PCDHGB2: variants seen among roughly 807,000 people sequenced by gnomAD.
PCDHGB2 encodes the protein protocadherin gamma-B2.
A neutral mutation model predicts 59.3 loss-of-function variants in PCDHGB2; 55 were observed. The observed-to-expected ratio is 0.93, with a 90% CI of 0.75 to 1.16. The LOEUF (loss-of-function observed/expected upper bound fraction) is 1.16. Ranked by LOEUF, PCDHGB2 falls within the 50% of genes most tolerant of loss-of-function variation. PCDHGB2 has a pLI of 0.00. For missense variants in PCDHGB2, 1,228 were observed against 1,198.5 expected, an observed-to-expected ratio of 1.02 and a Z score of -0.36; for synonymous variants, 516 against 512.0, an observed-to-expected ratio of 1.01 and a Z score of -0.11.
In PCDHGB2 at chr5:141,505,414, C is replaced by T. The variant is rs373956550; in HGVS notation, c.2502C>T (p.Thr834=). The T allele has an allele frequency of 3.0e-5, 48 of 1,614,046 alleles. No homozygotes were observed. In the African/African-American group the frequency reaches 3.1e-4, roughly 10 times the overall value. The change falls in exon 3 of 4, where the codon ACC becomes ACT. Residue 834 remains threonine (T), a synonymous_variant. Transcript: ENST00000522605. ...CCAGCTCCCAAAATGGCGATGACACCGGCACCTGGCCCAACAACCAGTTTG... is the reference window on the plus strand; with the variant it reads ...CCAGCTCCCAAAATGGCGATGACACTGGCACCTGGCCCAACAACCAGTTTG... ...GTSGSQNGDD[T]GTWPNNQFDT...
Position 141,490,876 on chromosome 5 carries a change from G to T in PCDHGB2, c.2422-3931G>T. On this transcript the variant is annotated intron_variant, in intron 1 of 3. Coordinates refer to ENST00000522605, the MANE Select transcript of PCDHGB2 (RefSeq NM_018923.3). The surrounding 1 kb of genome is among the most constrained non-coding windows in gnomAD (Gnocchi z 5.4). Reference sequence around the variant, plus strand: ...AGACTCCGGCTCTCCCCCATTGCATGCCAACACATCTCTGCATGTGTTTGT... The same window carrying T: ...AGACTCCGGCTCTCCCCCATTGCATTCCAACACATCTCTGCATGTGTTTGT... 6.2e-7 allele frequency: 1 copy of T among 1,613,840 alleles called. No homozygotes were observed. The highest frequency in any genetic ancestry group is 8.5e-7 in the Non-Finnish European group (1 of 1,179,894).
At chr5:141,382,737 A>G (rs1186872738) in intron 1 of PCDHGB2, 2 of 571,884 alleles carry the variant, frequency 3.5e-6, no homozygotes, top group African/African-American at 3.7e-5. Context: ...GCACAGAGAA[A>G]CGACAGATTG....
At position 141,477,795 on chromosome 5, in the gene PCDHGB2, G is replaced by T. The variant is rs778851755; in HGVS notation, c.2422-17012G>T. The T allele has an allele frequency of 1.2e-5, 19 of 1,613,946 alleles. 1 individual carries two copies. In the South Asian group the frequency reaches 1.6e-4, roughly 14 times the overall value. On this transcript the variant is annotated intron_variant, in intron 1 of 3. Transcript: ENST00000522605. The surrounding 1 kb of genome is among the most constrained non-coding windows in gnomAD (Gnocchi z 4.9). ...AGCGTGAACATATTTGTCACTGATC[G>T]CAATGACAATGCCCCCCAGGTCCTA...
chr5:141,368,928 C>T (rs190760255), intron 1 of PCDHGB2, among the ~76,000 whole-genome samples: 45 of 152,290 alleles, frequency 3.0e-4, no homozygotes, highest in Middle Eastern at 3.4e-3. Flanking sequence ...GAGTGTCTGT[C>T]TAGAATTCTG....
At chr5:141,403,261 G>A in intron 1 of PCDHGB2, 1 of 1,613,852 alleles carries the variant, frequency 6.2e-7, no homozygotes, top group East Asian at 2.2e-5. Flanking sequence ...CGCGGTGTCT[G>A]GTGAACTTTA....
At chr5:141,452,472 A>C (rs995927368) in intron 1 of PCDHGB2, among the ~76,000 whole-genome samples, 6 of 152,170 alleles carry the variant, frequency 3.9e-5, no homozygotes, top group Non-Finnish European at 8.8e-5. Flanking sequence ...AGCTAGGAAA[A>C]ACACACATAA....
At chr5:141,391,869 T>A (rs2092430763) in intron 1 of PCDHGB2, 2 of 152,218 alleles carry the variant, frequency 1.3e-5, no homozygotes, top group Admixed American at 1.3e-4. Flanking sequence ...AATTTAATCA[T>A]CTCTTTGGTG....
chr5:141,432,560 A>C lies in PCDHGB2; in HGVS notation c.2422-62247A>C. The C allele has an allele frequency of 2.5e-6, 4 of 1,613,600 alleles. No individual in the cohort carries two copies. Among genetic ancestry groups the C allele is most frequent in the Non-Finnish European group, 3.4e-6 (4 of 1,179,962 alleles). ...GGCGGTGGACAGAGACTCCGGCCAG[A>C]ACGCCTGGCTGTCCTACCGTCTGCT... On this transcript the variant is annotated intron_variant, in intron 1 of 3. Transcript: ENST00000522605. The surrounding 1 kb of genome is among the most constrained non-coding windows in gnomAD (Gnocchi z 6.0).
intron 1 of PCDHGB2, chr5:141,374,023 A>C: frequency 7.1e-7 from 1 of 1,412,854 alleles, no homozygotes; most frequent in South Asian, 1.7e-5. Flanking sequence ...GAGAAGAGCA[A>C]AAGTGATGCA....
intron 1 of PCDHGB2, chr5:141,374,690 G>A (rs758543198): frequency 6.2e-7 from 1 of 1,609,720 alleles, no homozygotes; most frequent in Non-Finnish European, 8.5e-7. Flanking sequence ...ACTGGACCGG[G>A]AAGGAGAAGC....
Position 141,362,108 on chromosome 5 carries a change from C to A in PCDHGB2, c.1973C>A (p.Ala658Asp). ...GGACAGCCGCCACTCTCCGCTACGGCCACGCTGCACCTAATCTTCGCGGAT... is the reference window on the plus strand; with the variant it reads ...GGACAGCCGCCACTCTCCGCTACGGACACGCTGCACCTAATCTTCGCGGAT... ...DGGQPPLSAT[A>D]TLHLIFADSL... Residue 658 changes from alanine (A) to aspartate (D), a missense_variant, in exon 1 of 4, where the codon GCC (alanine) becomes GAC (aspartate). By Grantham distance (126) the Ala-to-Asp change is moderately radical. This residue lies in a region of PCDHGB2 where 433 missense variants were observed against 441.8 expected (regional missense o/e 0.98). Transcript: ENST00000522605. The A allele has an allele frequency of 2.5e-6, 4 of 1,613,972 alleles. No homozygotes were observed. Among genetic ancestry groups the A allele is most frequent in the Non-Finnish European group, 3.4e-6 (4 of 1,179,902 alleles).
intron 1 of PCDHGB2, chr5:141,423,769 CATAT>C (rs2096780943): frequency 8.2e-7 from 1 of 1,219,458 alleles, no homozygotes; most frequent in South Asian, 2.2e-5. Context: ...GGTGGGGCGG[CATAT>C]ATTTAGTTCA....
intron 1 of PCDHGB2, chr5:141,383,705 T>A: frequency 1.2e-6 from 2 of 1,614,020 alleles, no homozygotes; most frequent in Non-Finnish European, 1.7e-6. Flanking sequence ...GCTATCGACC[T>A]GGACGAGGGA....
intron 1 of PCDHGB2, chr5:141,423,316 G>C (rs1424301976): frequency 1.2e-6 from 2 of 1,614,044 alleles, no homozygotes; most frequent in Non-Finnish European, 1.7e-6. Context: ...CTTGGTGGTG[G>C]CGGTGGCCGC....
intron 1 of PCDHGB2, among the ~76,000 whole-genome samples, chr5:141,465,063 C>T (rs187265709): frequency 8.5e-4 from 129 of 151,534 alleles, no homozygotes; most frequent in South Asian, 1.3e-3. Context: ...TTTGAATTGT[C>T]TGTTCATGTC....
At chr5:141,459,686 C>T (rs79275885) in intron 1 of PCDHGB2, among the ~76,000 whole-genome samples, 5,534 of 152,296 alleles carry the variant, frequency 0.036, 130 homozygotes, top group South Asian at 0.077. Flanking sequence ...ATGCATAAAG[C>T]GTTCCGCTTG....
chr5:141,415,102 A>C, intron 1 of PCDHGB2: 1 of 1,613,550 alleles, frequency 6.2e-7, no homozygotes. Flanking sequence ...AGACGCGCTC[A>C]AGCAAAGCCT....
chr5:141,387,614 T>C (rs2091011587), intron 1 of PCDHGB2: 9 of 565,798 alleles, frequency 1.6e-5, no homozygotes, highest in Non-Finnish European at 2.8e-5. Flanking sequence ...TGTAGTTTCC[T>C]AGTGCTGACT....
At chr5:141,402,037 G>A (rs749684542) in intron 1 of PCDHGB2, among the ~76,000 whole-genome samples, 24 of 152,118 alleles carry the variant, frequency 1.6e-4, no homozygotes, top group Non-Finnish European at 2.9e-4. Flanking sequence ...CACAGTCTGT[G>A]CATGCATTAC....
Sources: gnomAD v4.1 joint callset for allele counts (sites outside exome capture counted in the v4.1 genomes callset) on GRCh38, gnomAD v4.1.1 for gene constraint, gnomAD v4.1.1 regional missense constraint, Gnocchi (gnomAD v3.1) non-coding constraint, MANE v1.5 for transcripts, NCBI Gene and HGNC (gene_info 2026-07-23, HGNC 2026-07-21) for gene names.